Variants in CAMK2B observed in about 807,000 individuals in gnomAD.
CAMK2B encodes calcium/calmodulin-dependent protein kinase type II subunit beta.
CAMK2B carries 27 observed loss-of-function variants against 93.7 expected under a neutral mutation model. That is an observed-to-expected ratio of 0.29 (90% CI 0.21 to 0.40). The LOEUF is 0.40. Among genes scored for constraint, CAMK2B ranks in the 10% least tolerant of loss-of-function variants. CAMK2B has a pLI of 1.00. For synonymous variants in CAMK2B, 374 were observed against 358.8 expected, an observed-to-expected ratio of 1.04 and a Z score of -0.48; for missense variants, 568 against 895.8, an observed-to-expected ratio of 0.63 and a Z score of 4.67.
chr7:44,246,157 C>T (rs967252488), intron 6 of CAMK2B, among the ~76,000 whole-genome samples: 1 of 152,002 alleles, frequency 6.6e-6, no homozygotes, highest in Admixed American at 6.5e-5. Context: ...CAGACCCTGG[C>T]GAGTCCTGCT....
At chr7:44,250,060 C>T (rs2096765853) in intron 5 of CAMK2B, among the ~76,000 whole-genome samples, 1 of 152,328 alleles carries the variant, frequency 6.6e-6, no homozygotes, top group South Asian at 2.1e-4. Flanking sequence ...GCCTCCAGGC[C>T]CTGCAAACGC....
At chr7:44,264,903 C>A (rs981493277) in intron 2 of CAMK2B, among the ~76,000 whole-genome samples, 1 of 152,140 alleles carries the variant, frequency 6.6e-6, no homozygotes, top group African/African-American at 2.4e-5. Flanking sequence ...AACCCAGCAA[C>A]ACTGGACATA....
intron 8 of CAMK2B, among the ~76,000 whole-genome samples, chr7:44,243,019 C>T (rs1180284098): frequency 2.0e-5 from 3 of 152,230 alleles, no homozygotes; most frequent in Admixed American, 1.3e-4. Context: ...CTCTGCTGAG[C>T]GCAGGCGAGC....
chr7:44,251,859 C>T (rs761580151), intron 5 of CAMK2B, among the ~76,000 whole-genome samples: 2 of 152,160 alleles, frequency 1.3e-5, no homozygotes, highest in African/African-American at 2.4e-5. Flanking sequence ...CTGAACAGCC[C>T]GAGCATTTCC....
rs2096363293 is a variant in CAMK2B, at chr7:44,218,710, C to T, written c.*815G>A. 6.6e-6 allele frequency: 1 copy of T among 152,348 alleles called. No homozygotes were observed. The highest frequency in any genetic ancestry group is 2.4e-5 in the African/African-American group (1 of 41,464). The allele number at this position is 152,348 out of a possible 1,614,324, so 9.4% of individuals were successfully genotyped here. A position where few individuals can be genotyped will look rare whatever the true frequency, so the allele number is the denominator to read the frequency against. On this transcript the variant is annotated 3_prime_UTR_variant, in exon 24 of 24. Coordinates refer to ENST00000395749, the MANE Select transcript of CAMK2B (RefSeq NM_001220.5). ...GCTCGGCGAGAGGCCCAAAACTAAG[C>T]TGTGCCCCTCTTTGCACTTTACTCC...
chr7:44,237,436 G>C (rs962502506), intron 13 of CAMK2B, among the ~76,000 whole-genome samples: 12 of 152,224 alleles, frequency 7.9e-5, no homozygotes, highest in Non-Finnish European at 1.6e-4. Flanking sequence ...TCAGAGCTCT[G>C]GGAAGCCCTG....
At chr7:44,223,504 A>T (rs541442221) in intron 20 of CAMK2B, among the ~76,000 whole-genome samples, 66 of 152,268 alleles carry the variant, frequency 4.3e-4, no homozygotes, top group African/African-American at 1.5e-3. Context: ...AGCTCTAGGA[A>T]GGCACAGGGC....
chr7:44,234,471 G>A lies in CAMK2B; in HGVS notation c.1060-10C>T, dbSNP rs1414556116. On this transcript the variant is annotated splice_polypyrimidine_tract_variant and intron_variant, in intron 14 of 23. Coordinates refer to ENST00000395749, the MANE Select transcript of CAMK2B (RefSeq NM_001220.5). Reference sequence around the variant, plus strand: ...TGCTATTCGTCTGGGGCTGTGGAGAGAGGGAAGAGGAACTCTTAGGTGGGA... The same window carrying A: ...TGCTATTCGTCTGGGGCTGTGGAGAAAGGGAAGAGGAACTCTTAGGTGGGA... 6.4e-7 allele frequency: 1 copy of A among 1,573,110 alleles called. No homozygotes were observed. Among genetic ancestry groups the A allele is most frequent in the South Asian group, 1.2e-5 (1 of 85,706 alleles).
chr7:44,253,592 C>G (rs2096801268), intron 5 of CAMK2B, among the ~76,000 whole-genome samples: 1 of 151,486 alleles, frequency 6.6e-6, no homozygotes, highest in Non-Finnish European at 1.5e-5. Context: ...CCTCCGTTAG[C>G]CTTATTTATG....
chr7:44,228,968 C>T, intron 18 of CAMK2B, 44 bp from the exon 19 acceptor site: 1 of 1,602,032 alleles, frequency 6.2e-7, no homozygotes, highest in Non-Finnish European at 8.5e-7. Context: ...CAGACAGACA[C>T]ACGAGGCGGC....
Position 44,286,041 on chromosome 7 carries a change from G to C in CAMK2B, c.66-1816C>G, listed in dbSNP as rs1406865345. On this transcript the variant is annotated intron_variant, in intron 1 of 23. Coordinates refer to ENST00000395749, the MANE Select transcript of CAMK2B (RefSeq NM_001220.5). The surrounding 1 kb of genome is among the most constrained non-coding windows in gnomAD (Gnocchi z 4.0). ...ACATATGACATTAACTTGGGAGACT[G>C]AGGTGAGGGCAAAGACCATGGGCTT... Among the ~76,000 whole-genome samples the C allele has an allele frequency of 6.6e-6, 1 of 152,148 alleles. No individual in the cohort carries two copies. Among genetic ancestry groups the C allele is most frequent in the East Asian group, 1.9e-4 (1 of 5,174 alleles).
chr7:44,263,349 G>A (rs1013284502), intron 2 of CAMK2B, among the ~76,000 whole-genome samples: 3 of 152,234 alleles, frequency 2.0e-5, no homozygotes, highest in Admixed American at 6.5e-5. Context: ...CTAAGTCAGC[G>A]GTGCACTGAT....
At chr7:44,324,035 C>T in intron 1 of CAMK2B, 1 of 153,772 alleles carries the variant, frequency 6.5e-6, no homozygotes. Context: ...ACCCATCCAG[C>T]ATGGGCTTCT....
intron 5 of CAMK2B, among the ~76,000 whole-genome samples, chr7:44,251,369 A>T (rs1006741244): frequency 2.6e-5 from 4 of 152,086 alleles, no homozygotes; most frequent in African/African-American, 9.7e-5. Flanking sequence ...ACCGAGCTCC[A>T]CTGCTTGAAG....
In CAMK2B at chr7:44,286,162, G is replaced by A. The variant is rs1029867398; in HGVS notation, c.66-1937C>T. Among the ~76,000 whole-genome samples the A allele has an allele frequency of 1.6e-4, 24 of 152,088 alleles. No individual in the cohort carries two copies. The highest frequency in any genetic ancestry group is 1.5e-3 in the South Asian group (7 of 4,820). On this transcript the variant is annotated intron_variant, in intron 1 of 23. Coordinates refer to ENST00000395749, the MANE Select transcript of CAMK2B (RefSeq NM_001220.5). The surrounding 1 kb of genome is among the most constrained non-coding windows in gnomAD (Gnocchi z 4.0). ...ATATGACTGAGCAGAAGAGCCTTCCGGGGCCACTGTGTGGCTGTTTGCCGG... is the reference window on the plus strand; with the variant it reads ...ATATGACTGAGCAGAAGAGCCTTCCAGGGCCACTGTGTGGCTGTTTGCCGG...
At chr7:44,284,280 G>T in intron 1 of CAMK2B, 55 bp from the exon 2 acceptor site, 1 of 1,277,860 alleles carries the variant, frequency 7.8e-7, no homozygotes, top group Non-Finnish European at 1.1e-6. Context: ...CAAGGAGAAA[G>T]AGAGAGAGCC....
chr7:44,282,695 C>T (rs1049977916), intron 2 of CAMK2B, among the ~76,000 whole-genome samples: 3 of 152,376 alleles, frequency 2.0e-5, no homozygotes, highest in African/African-American at 4.8e-5. Context: ...ACACAGCAGT[C>T]GCTCAAACAA....
At chr7:44,246,911 C>T (rs1185738729) in intron 6 of CAMK2B, among the ~76,000 whole-genome samples, 1 of 152,054 alleles carries the variant, frequency 6.6e-6, no homozygotes, top group Non-Finnish European at 1.5e-5. Flanking sequence ...CGCACATATG[C>T]ACACCATCCA....
At chr7:44,239,701 G>A in intron 12 of CAMK2B, 38 bp from the exon 13 acceptor site, 1 of 1,408,694 alleles carries the variant, frequency 7.1e-7, no homozygotes, top group Non-Finnish European at 9.8e-7. Context: ...GAAGGGAGGG[G>A]TGGGCGGACA....
Sources: allele counts gnomAD v4.1 joint callset (sites outside exome capture counted in the v4.1 genomes callset), GRCh38; gene constraint gnomAD v4.1.1; non-coding constraint Gnocchi (gnomAD v3.1); transcripts MANE v1.5; gene names NCBI Gene and HGNC (gene_info 2026-07-23, HGNC 2026-07-21).